Variants in PRIMPOL observed in about 807,000 individuals in gnomAD.
PRIMPOL encodes the protein primase and DNA directed polymerase.
A neutral mutation model predicts 63.6 loss-of-function variants in PRIMPOL; 54 were observed. The ratio of observed to expected loss-of-function variants is 0.85; its 90% CI spans 0.68 to 1.07. The LOEUF (loss-of-function observed/expected upper bound fraction) is 1.07. PRIMPOL is among the 50% of genes least tolerant of loss of function. The pLI, the probability that PRIMPOL is intolerant of heterozygous loss-of-function variation, is 0.00. For synonymous variants in PRIMPOL, 197 were observed against 220.2 expected, an observed-to-expected ratio of 0.89 and a Z score of 0.93; for missense variants, 610 against 648.3, an observed-to-expected ratio of 0.94 and a Z score of 0.64.
At chr4:184,654,482 G>A (rs537529472) in intron 2 of PRIMPOL, among the ~76,000 whole-genome samples, 7 of 51,142 alleles carry the variant, frequency 1.4e-4, no homozygotes, top group South Asian at 1.0e-3. Context: ...ACAGAGTCTC[G>A]CTCCGTTGCC....
intron 2 of PRIMPOL, among the ~76,000 whole-genome samples, chr4:184,654,714 A>C (rs1579277750): frequency 6.6e-6 from 1 of 152,206 alleles, no homozygotes; most frequent in East Asian, 1.9e-4. Flanking sequence ...GGCCTCCGAA[A>C]GTGCTGGGAT....
At chr4:184,688,082 T>C (rs1386284407) in intron 11 of PRIMPOL, among the ~76,000 whole-genome samples, 1 of 152,258 alleles carries the variant, frequency 6.6e-6, no homozygotes, top group African/African-American at 2.4e-5. Flanking sequence ...GGCCACAGTT[T>C]ATCTGTTTTC....
intron 3 of PRIMPOL, chr4:184,657,799 G>A (rs1746883267): frequency 6.5e-6 from 1 of 153,334 alleles, no homozygotes; most frequent in Admixed American, 6.6e-5. Context: ...TTTGAGACCA[G>A]CCTCACCAAC....
At chr4:184,685,367 C>A in intron 9 of PRIMPOL, 42 bp from the exon 10 acceptor site, 1 of 1,410,056 alleles carries the variant, frequency 7.1e-7, no homozygotes, top group Non-Finnish European at 1.0e-6. Context: ...AACTTCTCAA[C>A]TTTCAGCTAT....
chr4:184,681,059 T>C (rs941543691), intron 8 of PRIMPOL, among the ~76,000 whole-genome samples: 1 of 152,212 alleles, frequency 6.6e-6, no homozygotes, highest in Non-Finnish European at 1.5e-5. Context: ...GCAGTTTAAA[T>C]ATGAATCTTA....
chr4:184,691,860 G>T, intron 13 of PRIMPOL, 148 bp downstream of exon 13: 1 of 570,544 alleles, frequency 1.8e-6, no homozygotes, highest in Non-Finnish European at 3.1e-6. Context: ...ATATTGTAGT[G>T]ATTTTCCCAT....
intron 11 of PRIMPOL, among the ~76,000 whole-genome samples, chr4:184,690,751 C>T (rs1261525842): frequency 6.6e-6 from 1 of 152,200 alleles, no homozygotes; most frequent in African/African-American, 2.4e-5. Flanking sequence ...TTTCATAACA[C>T]AAGATTTTAA....
chr4:184,687,300 A>AC (rs1455840612), intron 11 of PRIMPOL, among the ~76,000 whole-genome samples: 1 of 152,084 alleles, frequency 6.6e-6, no homozygotes, highest in Non-Finnish European at 1.5e-5. Flanking sequence ...CAAACTCCTG[A>AC]CCTCAAGTGA....
intron 9 of PRIMPOL, 51 bp downstream of exon 9, chr4:184,682,387 C>A: frequency 1.9e-6 from 2 of 1,029,408 alleles, no homozygotes; most frequent in South Asian, 1.3e-5. Context: ...CTCTCATTGT[C>A]ACCCAGGCTG....
At chr4:184,653,685 T>C (rs999674499) in intron 2 of PRIMPOL, among the ~76,000 whole-genome samples, 1 of 152,196 alleles carries the variant, frequency 6.6e-6, no homozygotes, top group Admixed American at 6.5e-5. Flanking sequence ...AAAGTTTTCC[T>C]TCGGAACTTG....
Position 184,691,265 on chromosome 4 carries a change from G to C in PRIMPOL, c.1296-234G>C, listed in dbSNP as rs114930744. 2,300 of 447,450 alleles carry C rather than the reference G, an allele frequency of 5.1e-3. 36 individuals are homozygous for C. The highest frequency in any genetic ancestry group is 0.036 in the South Asian group (908 of 25,170). The allele number at this position is 447,450 out of a possible 1,614,324, so 27.7% of individuals were successfully genotyped here. A position where few individuals can be genotyped will look rare whatever the true frequency, so the allele number is the denominator to read the frequency against. On this transcript the variant is annotated intron_variant, in intron 11 of 13. Coordinates refer to ENST00000314970, the MANE Select transcript of PRIMPOL (RefSeq NM_152683.4). ...ATTTGGTGAGTACAGGTTGAGAATT[G>C]TTACATCTTCCTGGGGGAACTTTCA...
chr4:184,679,647 C>T (rs1177588201), intron 8 of PRIMPOL, among the ~76,000 whole-genome samples: 1 of 152,152 alleles, frequency 6.6e-6, no homozygotes, highest in Non-Finnish European at 1.5e-5. Flanking sequence ...GACCAGTGGT[C>T]TGTGGTGGGA....
chr4:184,654,223 G>C (rs1198677723), intron 2 of PRIMPOL, among the ~76,000 whole-genome samples: 1 of 152,168 alleles, frequency 6.6e-6, no homozygotes, highest in African/African-American at 2.4e-5. Flanking sequence ...TCAGTTATTG[G>C]TAGATACTAG....
intron 5 of PRIMPOL, among the ~76,000 whole-genome samples, chr4:184,662,319 A>G (rs1479485583): frequency 1.3e-5 from 2 of 152,344 alleles, no homozygotes; most frequent in East Asian, 3.9e-4. Context: ...TCAAGCTTGC[A>G]GGAATTTTGG....
chr4:184,656,352 T>C (rs1746436480), intron 2 of PRIMPOL, among the ~76,000 whole-genome samples: 1 of 152,220 alleles, frequency 6.6e-6, no homozygotes, highest in South Asian at 2.1e-4. Flanking sequence ...GGTTTGTGGC[T>C]GATTTGGCTG....
chr4:184,687,950 G>A (rs2696041), intron 11 of PRIMPOL, among the ~76,000 whole-genome samples: 147,441 of 152,334 alleles, frequency 0.97, 71,540 homozygotes, highest in East Asian at 1. Context: ...GCTTGTTTTC[G>A]AATCGCATCC....
intron 13 of PRIMPOL, among the ~76,000 whole-genome samples, chr4:184,692,471 C>CA (rs60321808): frequency 9.8e-4 from 72 of 73,806 alleles, no homozygotes; most frequent in Admixed American, 1.7e-3. Flanking sequence ...GACTCTGCCT[C>CA]AAAAAAAAAA....
chr4:184,687,954 C>T (rs765885057), intron 11 of PRIMPOL, among the ~76,000 whole-genome samples: 5 of 152,190 alleles, frequency 3.3e-5, no homozygotes, highest in Admixed American at 2.0e-4. Flanking sequence ...GTTTTCGAAT[C>T]GCATCCTCTC....
In PRIMPOL at chr4:184,691,699, T is replaced by C. The variant is rs919401652; in HGVS notation, c.1412T>C (p.Phe471Ser). The part of the protein sequence containing the change: ...FPLPAEVCLL[F>S]LFKEEEEFTT... Reference sequence around the variant, plus strand: ...TTACCTGCTGAAGTATGTCTCCTGTTTCTTTTCAAAGAGGTAAGTACAGAT... The same window carrying C: ...TTACCTGCTGAAGTATGTCTCCTGTCTCTTTTCAAAGAGGTAAGTACAGAT... Residue 471 changes from phenylalanine to serine, a missense_variant, in exon 13 of 14, where the codon TTT becomes TCT. Physicochemically the swap from Phe to Ser is radical, Grantham distance 155. Transcript: ENST00000314970. The C allele has an allele frequency of 4.3e-6, 7 of 1,612,210 alleles. No homozygotes were observed. The highest frequency in any genetic ancestry group is 5.9e-6 in the Non-Finnish European group (7 of 1,178,708).
Sources: allele counts gnomAD v4.1 joint callset (sites outside exome capture counted in the v4.1 genomes callset), GRCh38; gene constraint gnomAD v4.1.1; transcripts MANE v1.5; gene names NCBI Gene and HGNC (gene_info 2026-07-23, HGNC 2026-07-21).